TRPM7: variants seen among roughly 807,000 people sequenced by gnomAD.
The protein encoded by TRPM7 is transient receptor potential cation channel subfamily M member 7, also known as LTRPC ion channel family member 7.
TRPM7 carries 134 observed loss-of-function variants against 229.7 expected under a neutral mutation model. That is an observed-to-expected ratio of 0.58 (90% CI 0.51 to 0.67). The LOEUF is 0.67. Among genes scored for constraint, TRPM7 ranks in the 30% least tolerant of loss-of-function variants. The pLI is 0.00. For missense variants in TRPM7, 1,901 were observed against 2,210.0 expected, an observed-to-expected ratio of 0.86 and a Z score of 2.80; for synonymous variants, 699 against 715.2, an observed-to-expected ratio of 0.98 and a Z score of 0.36.
chr15:50,677,116 T>C (rs2062110979), intron 1 of TRPM7, among the ~76,000 whole-genome samples: 1 of 152,122 alleles, frequency 6.6e-6, no homozygotes, highest in Non-Finnish European at 1.5e-5. Context: ...TTCTGGAGAC[T>C]GAAAGTTCAG....
In TRPM7 at chr15:50,569,888, T is replaced by G; in HGVS notation, c.5466A>C (p.Pro1822=). 6.3e-7 allele frequency: 1 copy of G among 1,596,556 alleles called. No individual in the cohort carries two copies. The highest frequency in any genetic ancestry group is 8.5e-7 in the Non-Finnish European group (1 of 1,172,874). ...CNSCCRKLKL[P]DLKRNDYTPD... ...TATACTGATTAAGAAATTTTTTACC[T>G]GGAAGTTTAAGCTTTCTACAGCAAG... Residue 1822 remains proline, a splice_region_variant and synonymous_variant, in exon 38 of 39, where the codon CCA becomes CCC. Transcript: ENST00000646667.
intron 1 of TRPM7, among the ~76,000 whole-genome samples, chr15:50,669,461 T>C (rs1322099501): frequency 6.6e-6 from 1 of 151,988 alleles, no homozygotes; most frequent in Non-Finnish European, 1.5e-5. Flanking sequence ...AAAAAATCCA[T>C]GCTGGGCTCG....
intron 3 of TRPM7, among the ~76,000 whole-genome samples, chr15:50,651,763 G>T (rs774322840): frequency 6.6e-6 from 1 of 151,888 alleles, no homozygotes; most frequent in African/African-American, 2.4e-5. Context: ...CGTGGCAGTC[G>T]CCTGTAATCC....
At chr15:50,643,004 T>G (rs61216053) in intron 5 of TRPM7, among the ~76,000 whole-genome samples, 1 of 152,114 alleles carries the variant, frequency 6.6e-6, no homozygotes, top group African/African-American at 2.4e-5. Flanking sequence ...TATAAAAAAA[T>G]TTAAGGGCCG....
At chr15:50,596,710 TG>T (rs1176227723) in intron 22 of TRPM7, among the ~76,000 whole-genome samples, 2 of 152,238 alleles carry the variant, frequency 1.3e-5, no homozygotes, top group African/African-American at 2.4e-5. Flanking sequence ...GTAAAATTCC[TG>T]GATCAACCAT....
intron 10 of TRPM7, among the ~76,000 whole-genome samples, chr15:50,630,597 T>TG (rs2060703072): frequency 6.6e-6 from 1 of 152,220 alleles, no homozygotes; most frequent in Non-Finnish European, 1.5e-5. Flanking sequence ...AGATGACATG[T>TG]TTTAAAATCC....
chr15:50,666,495 C>CGAAGAG (rs1042843192), intron 1 of TRPM7, among the ~76,000 whole-genome samples: 2 of 151,350 alleles, frequency 1.3e-5, no homozygotes, highest in Non-Finnish European at 2.9e-5. Flanking sequence ...AAGAAGAAAA[C>CGAAGAG]GAAGAGGAAG....
At chr15:50,578,844 A>G (rs1305119999) in intron 30 of TRPM7, among the ~76,000 whole-genome samples, 180 bp from the exon 31 acceptor site, 1 of 150,562 alleles carries the variant, frequency 6.6e-6, no homozygotes, top group Non-Finnish European at 1.5e-5. Context: ...ATATAGATAT[A>G]TATATCTATA....
chr15:50,613,958 C>G (rs960154046), intron 14 of TRPM7, 117 bp from the exon 15 acceptor site: 2 of 1,383,702 alleles, frequency 1.4e-6, no homozygotes, highest in Middle Eastern at 2.1e-4. Flanking sequence ...CAAAATATGA[C>G]TGATTTAGGA....
At position 50,639,517 on chromosome 15, in the gene TRPM7, T is replaced by C; in HGVS notation, c.567A>G (p.Lys189=). 6.2e-7 allele frequency: 1 copy of C among 1,611,486 alleles called. No individual in the cohort carries two copies. Among genetic ancestry groups the C allele is most frequent in the Non-Finnish European group, 8.5e-7 (1 of 1,178,246 alleles). The stretch of plus-strand genomic sequence containing the variant: ...TTCGAGATGATCTGGAAGCATGTTC[T>C]TTGAGGGCATCTCCAACATGTTTTG... ...GVAKHVGDAL[K]EHASRSSRKI... is the part of the protein sequence containing the mutation. The change falls in exon 6 of 39, where the codon AAA becomes AAG. Residue 189 remains lysine, a synonymous_variant. Coordinates refer to ENST00000646667, the MANE Select transcript of TRPM7 (RefSeq NM_017672.6).
chr15:50,681,002 C>T (rs1299370429), intron 1 of TRPM7, among the ~76,000 whole-genome samples: 3 of 151,996 alleles, frequency 2.0e-5, no homozygotes, highest in South Asian at 4.2e-4. Flanking sequence ...CCTGTAATCC[C>T]AGCACTTTGG....
chr15:50,616,356 G>A (rs1227401661), intron 13 of TRPM7, among the ~76,000 whole-genome samples: 1 of 152,122 alleles, frequency 6.6e-6, no homozygotes, highest in African/African-American at 2.4e-5. Flanking sequence ...TCTCACATTT[G>A]TTTCCAAAAT....
At chr15:50,599,882 AAC>A (rs1339719843) in intron 21 of TRPM7, among the ~76,000 whole-genome samples, 1 of 152,218 alleles carries the variant, frequency 6.6e-6, no homozygotes, top group Non-Finnish European at 1.5e-5. Flanking sequence ...ATGTCTGGGA[AAC>A]AAATACTTTT....
chr15:50,626,627 C>G (rs1226525008), intron 11 of TRPM7, among the ~76,000 whole-genome samples: 1 of 152,094 alleles, frequency 6.6e-6, no homozygotes, highest in African/African-American at 2.4e-5. Flanking sequence ...TCATCCAAGC[C>G]TTTACATCTG....
chr15:50,628,378 G>A, intron 10 of TRPM7, 129 bp from the exon 11 acceptor site: 1 of 601,220 alleles, frequency 1.7e-6, no homozygotes, highest in Non-Finnish European at 2.9e-6. Flanking sequence ...GGTGATCATG[G>A]CTCACTGCAG....
chr15:50,593,531 A>T, intron 25 of TRPM7, 86 bp downstream of exon 25: 3 of 1,392,212 alleles, frequency 2.2e-6, no homozygotes, highest in Non-Finnish European at 3.0e-6. Context: ...TTGACAAAAT[A>T]AATTTAACAA....
At chr15:50,658,648 T>C (rs952616315) in intron 2 of TRPM7, among the ~76,000 whole-genome samples, 8 of 151,946 alleles carry the variant, frequency 5.3e-5, no homozygotes, top group Non-Finnish European at 2.9e-5. Context: ...TATATATTTA[T>C]ATAATCCCTA....
At chr15:50,658,332 T>C (rs1471717285) in intron 2 of TRPM7, among the ~76,000 whole-genome samples, 1 of 151,814 alleles carries the variant, frequency 6.6e-6, no homozygotes, top group Admixed American at 6.6e-5. Context: ...ATTGCAACAC[T>C]CTGGGAGGCA....
chr15:50,651,985 CTAAAAA>C (rs2061433013), intron 3 of TRPM7, among the ~76,000 whole-genome samples: 2 of 151,676 alleles, frequency 1.3e-5, no homozygotes, highest in Admixed American at 6.6e-5. Context: ...ACCTTAAAAA[CTAAAAA>C]TAACAGCAAA....
Sources: gnomAD v4.1 joint callset for allele counts (sites outside exome capture counted in the v4.1 genomes callset) on GRCh38, gnomAD v4.1.1 for gene constraint, MANE v1.5 for transcripts, NCBI Gene and HGNC (gene_info 2026-07-23, HGNC 2026-07-21) for gene names.